LRRC69: variants seen among roughly 807,000 people sequenced by gnomAD.
The protein encoded by LRRC69 is leucine-rich repeat-containing protein 69.
LRRC69 carries 42 observed loss-of-function variants against 37.8 expected under a neutral mutation model. The observed-to-expected ratio is 1.11, with a 90% CI of 0.87 to 1.44. The LOEUF is 1.44. Among genes scored for constraint, LRRC69 ranks in the 40% most tolerant of loss-of-function variants. LRRC69 has a pLI of 0.00. For synonymous variants in LRRC69, 141 were observed against 143.1 expected, an observed-to-expected ratio of 0.99 and a Z score of 0.11; for missense variants, 357 against 401.9, an observed-to-expected ratio of 0.89 and a Z score of 0.96.
At chr8:91,177,321 T>C (rs189643928) in intron 5 of LRRC69, among the ~76,000 whole-genome samples, 192 of 152,294 alleles carry the variant, frequency 1.3e-3, no homozygotes, top group Non-Finnish European at 2.3e-3. Context: ...TTTGTGAAGA[T>C]ATTCTAGGAA....
At chr8:91,176,134 A>ATATTTTTTTTTTTTT in intron 5 of LRRC69, among the ~76,000 whole-genome samples, 25 of 75,698 alleles carry the variant, frequency 3.3e-4, no homozygotes, top group Admixed American at 9.6e-4. Flanking sequence ...ATATATATAT[A>ATATTTTTTTTTTTTT]TTTTTTTTTT....
At chr8:91,157,407 T>G in intron 5 of LRRC69, 1 of 1,607,980 alleles carries the variant, frequency 6.2e-7, no homozygotes, top group Non-Finnish European at 8.5e-7. Context: ...ATTATTCTGC[T>G]GTGGATCCCA....
chr8:91,185,231 C>T (rs746719639), intron 5 of LRRC69, among the ~76,000 whole-genome samples: 2 of 152,126 alleles, frequency 1.3e-5, no homozygotes, highest in Non-Finnish European at 1.5e-5. Flanking sequence ...ACTCTCCCTT[C>T]GGCTTTAAGG....
chr8:91,170,638 C>T (rs1322664798), intron 5 of LRRC69, among the ~76,000 whole-genome samples: 1 of 71,314 alleles, frequency 1.4e-5, no homozygotes, highest in East Asian at 3.2e-4. Context: ...CTGAGAAAAA[C>T]AAGCAATGGG....
chr8:91,206,964 T>C, intron 7 of LRRC69: 7 of 611,590 alleles, frequency 1.1e-5, no homozygotes, highest in Non-Finnish European at 1.6e-5. Context: ...TTTTCCAACC[T>C]AGTTATTCCC....
upstream of LRRC69, chr8:91,102,624 C>G (rs918065508): frequency 6.7e-7 from 1 of 1,500,990 alleles, no homozygotes; most frequent in South Asian, 1.3e-5. Flanking sequence ...ATAAAGAACT[C>G]TAATGGTTAC....
chr8:91,140,251 CACAT>C (rs967824148), intron 5 of LRRC69, among the ~76,000 whole-genome samples: 2 of 151,954 alleles, frequency 1.3e-5, no homozygotes, highest in African/African-American at 4.8e-5. Flanking sequence ...TCAGTTTTCT[CACAT>C]ACAATTTTTT....
At chr8:91,121,150 C>A (rs1468859181) in intron 1 of LRRC69, among the ~76,000 whole-genome samples, 12 of 151,962 alleles carry the variant, frequency 7.9e-5, no homozygotes, top group Admixed American at 7.2e-4. Flanking sequence ...TCTCCAGGTC[C>A]ACCATCCACT....
intron 5 of LRRC69, among the ~76,000 whole-genome samples, chr8:91,149,622 A>G (rs527473213): frequency 7.2e-5 from 11 of 152,108 alleles, no homozygotes; most frequent in African/African-American, 2.4e-4. Flanking sequence ...TTCTGTGAAG[A>G]AAGTCATTGT....
chr8:91,166,250 C>A (rs1054265413), intron 5 of LRRC69, among the ~76,000 whole-genome samples: 21 of 151,760 alleles, frequency 1.4e-4, no homozygotes, highest in Admixed American at 3.9e-4. Flanking sequence ...AGTTCTAATT[C>A]CTGTCTTCCC....
intron 5 of LRRC69, among the ~76,000 whole-genome samples, chr8:91,148,930 G>A (rs1355670107): frequency 5.9e-5 from 9 of 151,792 alleles, no homozygotes; most frequent in Non-Finnish European, 1.3e-4. Context: ...TGATGGGGTT[G>A]TTTGTTTTTT....
At chr8:91,176,785 A>G (rs1235261324) in intron 5 of LRRC69, among the ~76,000 whole-genome samples, 5 of 152,152 alleles carry the variant, frequency 3.3e-5, no homozygotes. Flanking sequence ...AGATTGGATA[A>G]TGCCCAGTCA....
intron 5 of LRRC69, chr8:91,158,698 C>T (rs1471644870): frequency 1.4e-5 from 16 of 1,165,358 alleles, no homozygotes; most frequent in Non-Finnish European, 1.7e-5. Context: ...CACATTCATG[C>T]TGGAATGGAA....
chr8:91,113,972 C>CAAAAAAAAAAAAAAAAAAAAAAAAAAAA (rs34806474), intron 1 of LRRC69, among the ~76,000 whole-genome samples: 1 of 60,510 alleles, frequency 1.7e-5, no homozygotes, highest in African/African-American at 7.6e-5. Flanking sequence ...AGACTTGTCT[C>CAAAAAAAAAAAAAAAAAAAAAAAAAAAA]AAAAAAAAAA....
At chr8:91,127,200 C>T (rs764113620) in intron 3 of LRRC69, 40 bp downstream of exon 3, 65 of 1,424,882 alleles carry the variant, frequency 4.6e-5, no homozygotes, top group Middle Eastern at 1.7e-4. Flanking sequence ...ACAATCGTGC[C>T]CCTCCTCTAT....
At chr8:91,196,677 C>T (rs1809607644) in intron 6 of LRRC69, among the ~76,000 whole-genome samples, 1 of 151,982 alleles carries the variant, frequency 6.6e-6, no homozygotes. Context: ...AGTTCTCGAG[C>T]CTTGGTTTTC....
intron 1 of LRRC69, among the ~76,000 whole-genome samples, chr8:91,115,006 A>T (rs766382268): frequency 2.3e-4 from 35 of 152,020 alleles, no homozygotes; most frequent in Admixed American, 2.0e-4. Context: ...TCAGACTCAG[A>T]ATCAGAGAGT....
intron 6 of LRRC69, among the ~76,000 whole-genome samples, chr8:91,198,158 T>C (rs529493119): frequency 1.3e-5 from 2 of 152,206 alleles, no homozygotes; most frequent in Non-Finnish European, 2.9e-5. Context: ...GTAAAATTTA[T>C]TGCTAATAAC....
At chr8:91,150,341 A>G (rs1008992494) in intron 5 of LRRC69, among the ~76,000 whole-genome samples, 2 of 151,964 alleles carry the variant, frequency 1.3e-5, no homozygotes, top group African/African-American at 4.8e-5. Context: ...TATTGAGATA[A>G]TCATGTGGTT....
Sources: allele counts gnomAD v4.1 joint callset (sites outside exome capture counted in the v4.1 genomes callset), GRCh38; gene constraint gnomAD v4.1.1; transcripts MANE v1.5; gene names NCBI Gene and HGNC (gene_info 2026-07-23, HGNC 2026-07-21).